The following CEP85L variants were observed in gnomAD, a reference collection of about 807,000 sequenced individuals.
CEP85L encodes centrosomal protein 85L.
In CEP85L, 60 loss-of-function variants were observed where a neutral mutation model predicts 100.3. The observed-to-expected ratio is 0.60, with a 90% CI of 0.49 to 0.74. The LOEUF (loss-of-function observed/expected upper bound fraction) is 0.74, where lower values mean the gene tolerates loss of function less well. CEP85L is among the 30% of genes least tolerant of loss of function. The pLI is 0.00. For missense variants in CEP85L, 973 were observed against 936.2 expected, an observed-to-expected ratio of 1.04 and a Z score of -0.51; for synonymous variants, 319 against 322.7, an observed-to-expected ratio of 0.99 and a Z score of 0.12.
chr6:118,466,856 C>T (rs529502989), intron 12 of CEP85L, among the ~76,000 whole-genome samples: 3 of 151,990 alleles, frequency 2.0e-5, no homozygotes, highest in South Asian at 2.1e-4. Context: ...GTATAGGTGA[C>T]GGGTTATGAA....
chr6:118,672,849 GGAA>G lies in CEP85L; in HGVS notation c.-27-20044_-27-20042del, dbSNP rs536067524. Among the ~76,000 whole-genome samples the G allele has an allele frequency of 1.1e-4, 17 of 151,582 alleles. No homozygotes were observed. In the South Asian group the frequency reaches 1.5e-3, roughly 13 times the overall value. On this transcript the variant is annotated intron_variant, in intron 1 of 13. Coordinates refer to the CEP85L transcript ENST00000368488. ...AAGAGGAGGAGGAGGAAGAGGAGGA[GGAA>G]GAAGAAGAAGAAAAGAGAAGACAAT... is the stretch of plus-strand genomic sequence containing the variant.
intron 3 of CEP85L, among the ~76,000 whole-genome samples, chr6:118,563,169 C>T (rs977241408): frequency 6.6e-6 from 1 of 152,172 alleles, no homozygotes; most frequent in Non-Finnish European, 1.5e-5. Flanking sequence ...CATCTGAGGG[C>T]ATAATGGCTT....
chr6:118,465,425 C>T lies in CEP85L; in HGVS notation c.2398G>A (p.Asp800Asn), dbSNP rs1487431478. 6.2e-7 allele frequency: 1 copy of T among 1,612,976 alleles called. No individual in the cohort carries two copies. Among genetic ancestry groups the T allele is most frequent in the Admixed American group, 1.7e-5 (1 of 59,930 alleles). The part of the protein sequence containing the change: ...ISDRYAQDMG[D>N]NCITQ ...CTTGATCACTGAGTAATGCAGTTGT[C>T]TCCCATGTCCTGAGCATAGCGGTCT... The change falls in exon 13 of 13, where the codon GAC becomes AAC. Residue 800 changes from aspartate (D) to asparagine (N), a missense_variant. This residue lies in a region of CEP85L where 890 missense variants were observed against 844.5 expected (regional missense o/e 1.05). Coordinates refer to ENST00000368491, the MANE Select transcript of CEP85L (RefSeq NM_001042475.3).
At chr6:118,625,372 C>T (rs751381026) in intron 2 of CEP85L, among the ~76,000 whole-genome samples, 53 of 152,218 alleles carry the variant, frequency 3.5e-4, no homozygotes, top group Non-Finnish European at 1.3e-4. Flanking sequence ...CCAGTCCCGC[C>T]ACGCCCGAGC....
At position 118,475,347 on chromosome 6, in the gene CEP85L, ATTTTTTT is replaced by A. The variant is rs34878583; in HGVS notation, c.1914+4517_1914+4523del. Among the ~76,000 whole-genome samples the A allele has an allele frequency of 6.8e-3, 534 of 79,022 alleles. 18 individuals are homozygous for A. The highest frequency in any genetic ancestry group is 0.025 in the African/African-American group (504 of 19,818). The allele number at this position is 79,022 out of a possible 152,430, so 51.8% of individuals were successfully genotyped here. On this transcript the variant is annotated intron_variant, in intron 10 of 12. Transcript: ENST00000368491. Reference sequence around the variant, plus strand: ...AAAAGGTGGGTGAATTGTAGGTGACATTTTTTTTTTTTTTTTTTTTTTTTTGAGACGA... The same window carrying A: ...AAAAGGTGGGTGAATTGTAGGTGACATTTTTTTTTTTTTTTTTTGAGACGA...
At chr6:118,542,910 A>AAAAAAAAAAAAAAAAAAAC (rs1562245042) in intron 3 of CEP85L, among the ~76,000 whole-genome samples, 2 of 146,658 alleles carry the variant, frequency 1.4e-5, no homozygotes, top group African/African-American at 4.9e-5. Context: ...CAAAAAAAAA[A>AAAAAAAAAAAAAAAAAAAC]AAAAAAAAAA....
chr6:118,627,643 C>CTA (rs527737940), intron 2 of CEP85L, among the ~76,000 whole-genome samples: 61 of 152,208 alleles, frequency 4.0e-4, no homozygotes, highest in Non-Finnish European at 7.8e-4. Flanking sequence ...CATAGGGAGA[C>CTA]TACCAGACTT....
chr6:118,508,573 A>G (rs1428765604), intron 5 of CEP85L, among the ~76,000 whole-genome samples: 1 of 152,122 alleles, frequency 6.6e-6, no homozygotes, highest in Non-Finnish European at 1.5e-5. Flanking sequence ...TTCTCTACCT[A>G]TGAGACTGAG....
intron 2 of CEP85L, among the ~76,000 whole-genome samples, chr6:118,625,009 T>A (rs1773691742): frequency 6.6e-6 from 1 of 152,214 alleles, no homozygotes; most frequent in Non-Finnish European, 1.5e-5. Context: ...TTCCCTTGCG[T>A]TTCCAACCAC....
intron 5 of CEP85L, among the ~76,000 whole-genome samples, chr6:118,501,219 C>A (rs1455412601): frequency 1.3e-5 from 2 of 152,246 alleles, no homozygotes; most frequent in Non-Finnish European, 2.9e-5. Context: ...GACTTGTGCT[C>A]CTTGCCCATG....
rs569997004 is a variant in CEP85L, at chr6:118,646,843, C to T, written c.73+4354G>A. On this transcript the variant is annotated intron_variant, in intron 1 of 12. Transcript: ENST00000368491. ...TCATCCAGTCTGAAAAATCATGACT[C>T]TCTCAACCCTTTCTGTTCACACACA... The T allele has an allele frequency of 3.7e-4, 268 of 722,980 alleles. 1 individual carries two copies. The highest frequency in any genetic ancestry group is 3.5e-4 in the Non-Finnish European group (204 of 590,336). 44.8% of individuals were successfully genotyped at this position (722,980 alleles called of 1,614,324 possible).
At chr6:118,511,482 A>C in intron 4 of CEP85L, 67 bp from the exon 5 acceptor site, 1 of 964,756 alleles carries the variant, frequency 1.0e-6, no homozygotes, top group Non-Finnish European at 1.6e-6. Flanking sequence ...AACCTTAAGG[A>C]GCTTATTCCT....
intron 2 of CEP85L, among the ~76,000 whole-genome samples, chr6:118,620,524 G>A (rs1004713857): frequency 6.6e-5 from 10 of 152,228 alleles, no homozygotes; most frequent in East Asian, 1.9e-4. Context: ...CCTTGCCCAC[G>A]TCCAATATGC....
chr6:118,558,846 A>G, intron 3 of CEP85L: 3 of 901,432 alleles, frequency 3.3e-6, no homozygotes, highest in Non-Finnish European at 5.6e-6. Flanking sequence ...GAAGACAGTT[A>G]TCTCATATTT....
intron 3 of CEP85L, among the ~76,000 whole-genome samples, chr6:118,543,827 G>A (rs1340276748): frequency 1.3e-5 from 2 of 152,196 alleles, no homozygotes; most frequent in South Asian, 2.1e-4. Flanking sequence ...CTCAGCATGT[G>A]AATGACAATC....
intron 5 of CEP85L, chr6:118,502,788 C>G (rs1463861245): frequency 9.7e-6 from 6 of 618,856 alleles, no homozygotes; most frequent in Non-Finnish European, 1.8e-5. Context: ...CAACAAGTAA[C>G]TCCAGGTGAT....
chr6:118,599,626 A>G (rs1272148846), intron 2 of CEP85L, among the ~76,000 whole-genome samples: 1 of 152,184 alleles, frequency 6.6e-6, no homozygotes, highest in Non-Finnish European at 1.5e-5. Flanking sequence ...AAAATAATAG[A>G]AATGGTAAAA....
upstream of CEP85L, among the ~76,000 whole-genome samples, chr6:118,655,293 A>C (rs1414068238): frequency 1.3e-5 from 2 of 152,194 alleles, no homozygotes; most frequent in East Asian, 1.9e-4. Flanking sequence ...AATAAGAAAG[A>C]AGGTATGATA....
At chr6:118,656,818 T>C (rs1309336187), upstream of CEP85L, 4 of 152,246 alleles carry the variant, frequency 2.6e-5, no homozygotes, top group Non-Finnish European at 4.4e-5. Flanking sequence ...TAGATTATTG[T>C]AAACCACAGT....
Sources: allele counts gnomAD v4.1 joint callset (sites outside exome capture counted in the v4.1 genomes callset), GRCh38; gene constraint gnomAD v4.1.1; regional missense constraint gnomAD v4.1.1; transcripts MANE v1.5; gene names NCBI Gene and HGNC (gene_info 2026-07-23, HGNC 2026-07-21).